Variants in C8B observed in about 807,000 individuals in gnomAD.
C8B encodes complement C8 beta chain.
In C8B, 67 loss-of-function variants were observed where a neutral mutation model predicts 64.6. The observed-to-expected ratio is 1.04, with a 90% CI of 0.85 to 1.27. The LOEUF (loss-of-function observed/expected upper bound fraction) is 1.27, where lower values mean the gene tolerates loss of function less well. Ranked by LOEUF, C8B falls within the 50% of genes most tolerant of loss-of-function variation. C8B has a pLI of 0.00. For missense variants in C8B, 790 were observed against 725.2 expected (o/e 1.09, Z -1.03); for synonymous variants, 284 against 257.7 (o/e 1.10, Z -0.98).
chr1:56,957,522 A>T (rs1557742284), intron 2 of C8B, among the ~76,000 whole-genome samples: 1 of 152,204 alleles, frequency 6.6e-6, no homozygotes, highest in Non-Finnish European at 1.5e-5. Context: ...TGAAGTTTAA[A>T]TTATATAATC....
At chr1:56,943,901 G>A in intron 7 of C8B, 77 bp from the exon 8 acceptor site, 4 of 1,545,810 alleles carry the variant, frequency 2.6e-6, no homozygotes, top group Non-Finnish European at 2.7e-6. Context: ...CGAGTCCAGA[G>A]GCCTAGCCCT....
At chr1:56,940,261 C>A (rs1644832230) in intron 9 of C8B, among the ~76,000 whole-genome samples, 3 of 151,770 alleles carry the variant, frequency 2.0e-5, no homozygotes, top group Admixed American at 6.6e-5. Context: ...ATTAATATTT[C>A]TTTTATTTCA....
chr1:56,940,893 A>G lies in C8B; in HGVS notation c.1354T>C (p.Trp452Arg), dbSNP rs540665291. Reference protein sequence around the residue: ...ELPTADLMQEWGDAVQYNPAI... With the variant: ...ELPTADLMQERGDAVQYNPAI... ...GGGTTGTACTGCACAGCGTCTCCCC[A>G]CTCCTGCATCAGGTCCGCCGTCGGC... The change falls in exon 9 of 12, where the codon TGG (tryptophan) becomes CGG (arginine). Residue 452 changes from tryptophan (W) to arginine (R), a missense_variant. Transcript: ENST00000371237. 1 of 1,613,510 alleles carries G rather than the reference A, an allele frequency of 6.2e-7. No homozygotes were observed. The highest frequency in any genetic ancestry group is 1.3e-5 in the African/African-American group (1 of 74,810).
intron 5 of C8B, among the ~76,000 whole-genome samples, chr1:56,951,702 A>G (rs1645022988): frequency 6.6e-6 from 1 of 152,206 alleles, no homozygotes; most frequent in African/African-American, 2.4e-5. Context: ...ATAACTCCCA[A>G]TTTAAAGATA....
rs112036408 is a variant in C8B at position 56,960,225 on chromosome 1, G to A, written c.93-49C>T. ...GAGTCACGTATCAGAAGGGAATTAA[G>A]TATACATCCAACCATCTATTTGTAC... is the stretch of plus-strand genomic sequence containing the variant. On this transcript the variant is annotated intron_variant, in intron 1 of 11. Coordinates refer to ENST00000371237, the MANE Select transcript of C8B (RefSeq NM_000066.4). 1.7e-3 allele frequency: 2,603 copies of A among 1,531,690 alleles called. 27 individuals are homozygous for A. The African/African-American group carries it at 0.026, about 15-fold the overall frequency. The allele number at this position is 1,531,690 out of a possible 1,614,324, so 94.9% of individuals were successfully genotyped here.
intron 1 of C8B, among the ~76,000 whole-genome samples, chr1:56,961,798 G>C (rs1162979163): frequency 1.3e-5 from 2 of 152,124 alleles, no homozygotes; most frequent in Non-Finnish European, 2.9e-5. Flanking sequence ...CCGCCACAGA[G>C]ACCAGCAAAA....
At chr1:56,954,974 G>T (rs1295293113) in intron 3 of C8B, 147 bp from the exon 4 acceptor site, 2 of 914,986 alleles carry the variant, frequency 2.2e-6, no homozygotes, top group African/African-American at 1.6e-5. Flanking sequence ...CAGATAGATT[G>T]GTTATGGCAC....
At chr1:56,929,619 G>A (rs1644667273) in intron 11 of C8B, 61 bp from the exon 12 acceptor site, 1 of 1,552,756 alleles carries the variant, frequency 6.4e-7, no homozygotes, top group South Asian at 1.1e-5. Flanking sequence ...TGCCTTACTG[G>A]GGTTGGGTGA....
chr1:56,961,263 G>C (rs1449312790), intron 1 of C8B, among the ~76,000 whole-genome samples: 2 of 151,962 alleles, frequency 1.3e-5, no homozygotes, highest in Admixed American at 1.3e-4. Flanking sequence ...TCCTTTCCAG[G>C]GCACAAAAAG....
intron 6 of C8B, 87 bp downstream of exon 6, chr1:56,949,468 A>G: frequency 8.1e-7 from 1 of 1,230,916 alleles, no homozygotes; most frequent in South Asian, 1.2e-5. Flanking sequence ...TTTCTTTATA[A>G]ATCATCCATT....
At chr1:56,952,573 C>A (rs999174338) in intron 4 of C8B, among the ~76,000 whole-genome samples, 4 of 152,194 alleles carry the variant, frequency 2.6e-5, no homozygotes, top group South Asian at 2.1e-4. Context: ...GGGTTAGGGA[C>A]CCTCATAACA....
chr1:56,959,994 G>C (rs1196804840), intron 2 of C8B, 26 bp downstream of exon 2: 2 of 1,613,804 alleles, frequency 1.2e-6, no homozygotes, highest in South Asian at 2.2e-5. Context: ...TGGAAGCTTA[G>C]AGCTGTCCCA....
chr1:56,959,483 G>A, intron 2 of C8B: 2 of 1,156,684 alleles, frequency 1.7e-6, no homozygotes, highest in Non-Finnish European at 2.5e-6. Context: ...GTTTCAAATT[G>A]TGAGTAGGTG....
At chr1:56,965,474 A>G (rs1464862307) in intron 1 of C8B, among the ~76,000 whole-genome samples, 1 of 151,146 alleles carries the variant, frequency 6.6e-6, no homozygotes, top group Non-Finnish European at 1.5e-5. Context: ...GGGGTTGATG[A>G]GCAGGTAGAG....
Position 56,952,142 on chromosome 1 carries a change from A to G in C8B, c.572T>C (p.Leu191Pro). ...LFTNSFEGPVLDHRYYAGGCS... is the reference protein window; with the variant it reads ...LFTNSFEGPVPDHRYYAGGCS... ...TCCACCTGCATAATACCTGTGATCA[A>G]GAACTGGGCCCTCAAAACTGTTTGT... Residue 191 changes from leucine (L) to proline (P), a missense_variant, in exon 5 of 12, where the codon CTT becomes CCT. By Grantham distance (98) the Leu-to-Pro change is moderately conservative. Coordinates refer to ENST00000371237, the MANE Select transcript of C8B (RefSeq NM_000066.4). 1.2e-6 allele frequency: 2 copies of G among 1,614,214 alleles called. No homozygotes were observed. The highest frequency in any genetic ancestry group is 1.7e-5 in the Admixed American group (1 of 60,032).
At chr1:56,964,129 C>T (rs974409506) in intron 1 of C8B, 65 of 351,622 alleles carry the variant, frequency 1.8e-4, no homozygotes, top group African/African-American at 1.3e-3. Context: ...TGTTCTCTTA[C>T]ATAGCGAGAA....
intron 1 of C8B, among the ~76,000 whole-genome samples, 196 bp downstream of exon 1, chr1:56,965,661 C>A (rs1339127627): frequency 1.3e-5 from 2 of 152,124 alleles, no homozygotes; most frequent in Non-Finnish European, 2.9e-5. Context: ...CTTACAGGAA[C>A]TTTTGTTGAA....
intron 1 of C8B, chr1:56,963,980 T>C: frequency 1.0e-6 from 1 of 985,350 alleles, no homozygotes; most frequent in Non-Finnish European, 1.2e-6. Flanking sequence ...TACTCGCAGA[T>C]GGAATTCAAA....
chr1:56,941,116 T>C, intron 8 of C8B, 104 bp from the exon 9 acceptor site: 2 of 1,285,458 alleles, frequency 1.6e-6, no homozygotes, highest in Non-Finnish European at 2.2e-6. Flanking sequence ...TCACTGAACT[T>C]GTCTGAGAGA....
Sources: gnomAD v4.1 joint callset for allele counts (sites outside exome capture counted in the v4.1 genomes callset) on GRCh38, gnomAD v4.1.1 for gene constraint, MANE v1.5 for transcripts, NCBI Gene and HGNC (gene_info 2026-07-23, HGNC 2026-07-21) for gene names.